The following SGSM2 variants were observed in gnomAD, a reference collection of about 807,000 sequenced individuals.
SGSM2 encodes RUN and TBC1 domain containing 1.
A neutral mutation model predicts 126.6 loss-of-function variants in SGSM2; 89 were observed. That is an observed-to-expected ratio of 0.70 (90% CI 0.59 to 0.84). The LOEUF (loss-of-function observed/expected upper bound fraction) is 0.84. Among genes scored for constraint, SGSM2 ranks in the 40% least tolerant of loss-of-function variants. SGSM2 has a pLI of 0.00. For missense variants in SGSM2, 1,404 were observed against 1,416.6 expected, an observed-to-expected ratio of 0.99 and a Z score of 0.14; for synonymous variants, 614 against 574.3, an observed-to-expected ratio of 1.07 and a Z score of -0.99.
At chr17:2,374,288 T>C (rs1290354163) in intron 17 of SGSM2, 1 of 152,262 alleles carries the variant, frequency 6.6e-6, no homozygotes, top group East Asian at 1.9e-4. Flanking sequence ...GTAAGTTAAA[T>C]ATAACTGGCT....
At chr17:2,345,468 C>T (rs534503910) in intron 2 of SGSM2, among the ~76,000 whole-genome samples, 10 of 151,796 alleles carry the variant, frequency 6.6e-5, no homozygotes, top group South Asian at 2.1e-4. Flanking sequence ...TGGTGGCGGG[C>T]GCCTGTAGTC....
chr17:2,367,104 C>T lies in SGSM2; in HGVS notation c.1289-167C>T. On this transcript the variant is annotated intron_variant, in intron 11 of 23. Coordinates refer to ENST00000268989, the MANE Select transcript of SGSM2 (RefSeq NM_014853.3). This position sits in a 1 kb window ranked among gnomAD's most constrained non-coding sequence, Gnocchi z 4.0. ...GCCCCTCGCCTCCTTCCACACTCTC[C>T]CAGGAAAATCATCCAAAGAGCTTTC... 1.3e-6 allele frequency: 1 copy of T among 770,912 alleles called. No homozygotes were observed. The highest frequency in any genetic ancestry group is 2.0e-6 in the Non-Finnish European group (1 of 498,304). 47.8% of individuals were successfully genotyped at this position (770,912 alleles called of 1,614,324 possible). A position where few individuals can be genotyped will look rare whatever the true frequency, so the allele number is the denominator to read the frequency against.
chr17:2,363,230 G>T lies in SGSM2; in HGVS notation c.672+96G>T. On this transcript the variant is annotated intron_variant, in intron 6 of 23. Coordinates refer to ENST00000268989, the MANE Select transcript of SGSM2 (RefSeq NM_014853.3). This position sits in a 1 kb window ranked among gnomAD's most constrained non-coding sequence, Gnocchi z 4.2. The stretch of plus-strand genomic sequence containing the variant: ...GCCTCTCTACGGGACAGGCCTTGGA[G>T]ATGCCCCAAGGTAGCGGCTGCCTCA... The T allele has an allele frequency of 6.9e-7, 1 of 1,439,104 alleles. No individual in the cohort carries two copies. Among genetic ancestry groups the T allele is most frequent in the East Asian group, 2.5e-5 (1 of 40,264 alleles). 89.1% of individuals were successfully genotyped at this position (1,439,104 alleles called of 1,614,324 possible).
At chr17:2,360,826 C>G (rs1373846097) in intron 2 of SGSM2, among the ~76,000 whole-genome samples, 1 of 152,262 alleles carries the variant, frequency 6.6e-6, no homozygotes, top group Non-Finnish European at 1.5e-5. Context: ...GCTTGGAGCC[C>G]TGGGTCCTCA....
intron 12 of SGSM2, among the ~76,000 whole-genome samples, chr17:2,370,731 A>C (rs574527067): frequency 1.3e-5 from 2 of 152,294 alleles, no homozygotes; most frequent in South Asian, 4.1e-4. Flanking sequence ...ACTCCCCCAG[A>C]AGAGCCAGGC....
At chr17:2,360,850 G>A (rs946918006) in intron 2 of SGSM2, among the ~76,000 whole-genome samples, 1 of 152,252 alleles carries the variant, frequency 6.6e-6, no homozygotes, top group African/African-American at 2.4e-5. Flanking sequence ...TGGTGGCTCT[G>A]CCATGTTGTG....
chr17:2,377,825 T>G (rs1204056003), intron 21 of SGSM2, 32 bp from the exon 22 acceptor site: 1 of 1,445,812 alleles, frequency 6.9e-7, no homozygotes, highest in Non-Finnish European at 9.7e-7. Context: ...GGCTCAGGGC[T>G]CAGCCTCTCT....
intron 13 of SGSM2, 193 bp from the exon 14 acceptor site, chr17:2,371,997 G>T: frequency 1.6e-6 from 1 of 622,332 alleles, no homozygotes; most frequent in South Asian, 2.0e-5. Context: ...GGCCAGGCGG[G>T]GGCCCCACAG....
At chr17:2,378,085 G>T in intron 22 of SGSM2, 132 bp downstream of exon 22, 1 of 577,004 alleles carries the variant, frequency 1.7e-6, no homozygotes, top group Non-Finnish European at 3.1e-6. Context: ...CCAGAACCCT[G>T]GCCCCACCCA....
At chr17:2,348,961 G>A (rs963566148) in intron 2 of SGSM2, among the ~76,000 whole-genome samples, 1 of 151,694 alleles carries the variant, frequency 6.6e-6, no homozygotes, top group Non-Finnish European at 1.5e-5. Context: ...ACGGGGTTTC[G>A]CCATGTTGCC....
chr17:2,347,676 T>C (rs1286471187), intron 2 of SGSM2, among the ~76,000 whole-genome samples: 1 of 151,706 alleles, frequency 6.6e-6, no homozygotes. Flanking sequence ...GGTCTTGCTA[T>C]GTTGCCAAGA....
In SGSM2 at chr17:2,379,659, A is replaced by C; in HGVS notation, c.*139A>C. On this transcript the variant is annotated 3_prime_UTR_variant, in exon 24 of 24. Coordinates refer to ENST00000268989, the MANE Select transcript of SGSM2 (RefSeq NM_014853.3). ...CAAAGCGGTTGTGAGCCTGGATCCG[A>C]CTCCCGGCAGTGCTGACCCTGCAGG... 6.9e-7 allele frequency: 1 copy of C among 1,455,364 alleles called. No individual in the cohort carries two copies. Among genetic ancestry groups the C allele is most frequent in the Non-Finnish European group, 9.1e-7 (1 of 1,098,558 alleles). The allele number at this position is 1,455,364 out of a possible 1,614,324, so 90.2% of individuals were successfully genotyped here. A position where few individuals can be genotyped will look rare whatever the true frequency, so the allele number is the denominator to read the frequency against.
intron 2 of SGSM2, among the ~76,000 whole-genome samples, chr17:2,347,622 G>A (rs889586914): frequency 2.6e-5 from 4 of 151,322 alleles, no homozygotes; most frequent in Admixed American, 6.6e-5. Context: ...CTCCCCTGGA[G>A]GGGAAGGTGC....
Position 2,379,763 on chromosome 17 carries a change from A to G in SGSM2, c.*243A>G. On this transcript the variant is annotated 3_prime_UTR_variant, in exon 24 of 24. Coordinates refer to ENST00000268989, the MANE Select transcript of SGSM2 (RefSeq NM_014853.3). Reference sequence around the variant, plus strand: ...CCTCAGGGAGCAGCTGCCTTGGGGGACACACCTACTCTGCTCCCCTCTCAC... The same window carrying G: ...CCTCAGGGAGCAGCTGCCTTGGGGGGCACACCTACTCTGCTCCCCTCTCAC... 2 of 1,389,846 alleles carry G rather than the reference A, an allele frequency of 1.4e-6. No homozygotes were observed. Among genetic ancestry groups the G allele is most frequent in the South Asian group, 1.6e-5 (1 of 61,812 alleles). The allele number at this position is 1,389,846 out of a possible 1,614,324, so 86.1% of individuals were successfully genotyped here.
chr17:2,371,505 G>T (rs1013997506), intron 13 of SGSM2, 90 bp downstream of exon 13: 2 of 1,452,386 alleles, frequency 1.4e-6, no homozygotes, highest in Non-Finnish European at 1.8e-6. Flanking sequence ...TCACCTGCAC[G>T]ACAGGGTGGC....
At chr17:2,378,946 C>T in intron 22 of SGSM2, 90 bp from the exon 23 acceptor site, 1 of 1,458,758 alleles carries the variant, frequency 6.9e-7, no homozygotes, top group Non-Finnish European at 9.2e-7. Context: ...GCCTCAGCCC[C>T]AGCCTCAATC....
At position 2,372,481 on chromosome 17, in the gene SGSM2, A is replaced by G. The variant is rs777644921; in HGVS notation, c.1781A>G (p.Asp594Gly). The change falls in exon 15 of 24, where the codon GAC (aspartate) becomes GGC (glycine). Residue 594 changes from aspartate to glycine, a missense_variant. Coordinates refer to ENST00000268989, the MANE Select transcript of SGSM2 (RefSeq NM_014853.3). The surrounding 1 kb of genome is among the most constrained non-coding windows in gnomAD (Gnocchi z 6.0). ...TKDVWSKYQK[D>G]KKNYKELELL... ...GACGTGTGGAGCAAGTATCAGAAGGACAAAAAGGTGCCAACCCTGGGGTTC... is the reference window on the plus strand; with the variant it reads ...GACGTGTGGAGCAAGTATCAGAAGGGCAAAAAGGTGCCAACCCTGGGGTTC... 1.9e-6 allele frequency: 3 copies of G among 1,598,802 alleles called. No homozygotes were observed. Among genetic ancestry groups the G allele is most frequent in the Non-Finnish European group, 2.6e-6 (3 of 1,175,864 alleles).
rs572147937 is a variant in SGSM2, at chr17:2,375,804, CAGG to C, written c.2416_2418del (p.Glu806del). The C allele has an allele frequency of 5.3e-4, 835 of 1,566,942 alleles. 6 individuals carry two copies. In the African/African-American group the frequency reaches 9.9e-3, roughly 19 times the overall value. The stretch of plus-strand genomic sequence containing the variant: ...TTTGAGGGAGCCCCAGGATCCCAGC[CAGG>C]AGAAGCCTCAGGCCGGAGAACTGGA... On this transcript the variant is annotated inframe_deletion, in exon 18 of 24. Coordinates refer to ENST00000268989, the MANE Select transcript of SGSM2 (RefSeq NM_014853.3).
At chr17:2,376,591 G>T in intron 19 of SGSM2, 142 bp from the exon 20 acceptor site, 3 of 923,308 alleles carry the variant, frequency 3.2e-6, no homozygotes, top group Non-Finnish European at 5.1e-6. Context: ...TTGTCTCCCT[G>T]TGGGGGGTGC....
Sources: allele counts gnomAD v4.1 joint callset (sites outside exome capture counted in the v4.1 genomes callset), GRCh38; gene constraint gnomAD v4.1.1; non-coding constraint Gnocchi (gnomAD v3.1); transcripts MANE v1.5; gene names NCBI Gene and HGNC (gene_info 2026-07-23, HGNC 2026-07-21).